Variants in KCNG2 observed in about 807,000 individuals in gnomAD.
KCNG2 encodes voltage-gated potassium channel regulatory subunit KCNG2.
In KCNG2, 7 loss-of-function variants were observed where a neutral mutation model predicts 12.3. The ratio of observed to expected loss-of-function variants is 0.57; its 90% CI spans 0.32 to 1.07. KCNG2 has a LOEUF of 1.07. Among genes scored for constraint, KCNG2 ranks in the 50% least tolerant of loss-of-function variants. KCNG2 has a pLI of 0.04. For missense variants in KCNG2, 703 were observed against 726.0 expected (o/e 0.97, Z 0.36); for synonymous variants, 414 against 351.4 (o/e 1.18, Z -1.99).
intron 1 of KCNG2, among the ~76,000 whole-genome samples, chr18:79,849,950 G>A (rs929416147): frequency 2.0e-5 from 3 of 152,196 alleles, no homozygotes; most frequent in African/African-American, 7.2e-5. Flanking sequence ...GGCTCAGTGG[G>A]AGGGAACGGA....
At chr18:79,830,464 C>T (rs1391348487) in intron 1 of KCNG2, among the ~76,000 whole-genome samples, 1 of 152,242 alleles carries the variant, frequency 6.6e-6, no homozygotes, top group African/African-American at 2.4e-5. Flanking sequence ...AACACAGATA[C>T]CTGCAAAAAC....
chr18:79,864,093 G>A lies in KCNG2; in HGVS notation c.426G>A (p.Ala142=). The A allele has an allele frequency of 5.5e-6, 6 of 1,088,834 alleles. No homozygotes were observed. The South Asian group carries it at 2.3e-4, about 41-fold the overall frequency. The allele number at this position is 1,088,834 out of a possible 1,614,324, so 67.4% of individuals were successfully genotyped here. The part of the protein sequence containing the change: ...EARAGPTERG[A]QGSPARALGP... ...GCGCGGGGCCGACGGAGCGCGGGGC[G>A]CAGGGGAGCCCGGCGCGCGCCCTGG... The change falls in exon 3 of 4, where the codon GCG becomes GCA. Residue 142 remains alanine (A), a synonymous_variant. Coordinates refer to ENST00000316249, the MANE Select transcript of KCNG2 (RefSeq NM_012283.2).
chr18:79,856,787 C>G lies in KCNG2; in HGVS notation c.-41+335C>G, dbSNP rs1366671352. ...AGCTGCTGCTTATTCCGGGCAGTTT[C>G]TGAGGCAGCACGTTCAGACGACTTC... is the stretch of plus-strand genomic sequence containing the variant. On this transcript the variant is annotated intron_variant, in intron 2 of 3. Transcript: ENST00000316249. Among the ~76,000 whole-genome samples the G allele has an allele frequency of 2.6e-5, 4 of 152,054 alleles. No individual in the cohort carries two copies. In the East Asian group the frequency reaches 5.8e-4, roughly 22 times the overall value.
intron 3 of KCNG2, among the ~76,000 whole-genome samples, chr18:79,882,383 G>A (rs1283458758): frequency 7.3e-6 from 1 of 137,852 alleles, no homozygotes. Context: ...ACAAAAGACT[G>A]TTAAGAGAAT....
chr18:79,867,076 G>C (rs1599409667), intron 3 of KCNG2, among the ~76,000 whole-genome samples: 1 of 131,176 alleles, frequency 7.6e-6, no homozygotes, highest in Non-Finnish European at 1.6e-5. Flanking sequence ...CTGAGGCCTG[G>C]GTGCTGAGAG....
At chr18:79,873,419 G>GCCCCC (rs1568266003) in intron 3 of KCNG2, among the ~76,000 whole-genome samples, 1 of 120,322 alleles carries the variant, frequency 8.3e-6, no homozygotes, top group Non-Finnish European at 1.8e-5. Context: ...GCTCCTGCCG[G>GCCCCC]CCCCCCTCCC....
chr18:79,829,629 G>A (rs1450616589), intron 1 of KCNG2, among the ~76,000 whole-genome samples: 1 of 152,044 alleles, frequency 6.6e-6, no homozygotes, highest in Non-Finnish European at 1.5e-5. Context: ...CTCTACAGCT[G>A]GTCGGACTCT....
At chr18:79,845,044 A>G (rs552978318) in intron 1 of KCNG2, among the ~76,000 whole-genome samples, 30 of 152,350 alleles carry the variant, frequency 2.0e-4, no homozygotes, top group Non-Finnish European at 4.0e-4. Context: ...TTGTGGTTAA[A>G]CAAACTCTGG....
intron 3 of KCNG2, among the ~76,000 whole-genome samples, chr18:79,865,992 T>TGA (rs1568262370): frequency 8.1e-6 from 1 of 123,206 alleles, no homozygotes; most frequent in Non-Finnish European, 1.7e-5. Flanking sequence ...GTCTGGGTGC[T>TGA]GAGGTCTGGG....
intron 3 of KCNG2, among the ~76,000 whole-genome samples, chr18:79,866,361 A>T (rs1979546163): frequency 2.1e-5 from 2 of 93,594 alleles, no homozygotes; most frequent in Admixed American, 1.1e-4. Flanking sequence ...CTGTGTGCTG[A>T]GGTCTGGGTG....
chr18:79,816,734 C>T (rs1027932322), intron 1 of KCNG2, among the ~76,000 whole-genome samples: 4 of 152,298 alleles, frequency 2.6e-5, no homozygotes, highest in Admixed American at 2.0e-4. Context: ...AGTGGCAGAT[C>T]GGGAAACATT....
chr18:79,880,652 A>G (rs993492878), intron 3 of KCNG2, among the ~76,000 whole-genome samples: 1 of 152,216 alleles, frequency 6.6e-6, no homozygotes, highest in Non-Finnish European at 1.5e-5. Flanking sequence ...CAAGAAAAGT[A>G]AAAACAAAGA....
intron 3 of KCNG2, among the ~76,000 whole-genome samples, chr18:79,865,244 G>GTGGGTGCTGAGGTC (rs1462570455): frequency 7.2e-6 from 1 of 139,810 alleles, no homozygotes; most frequent in Non-Finnish European, 1.5e-5. Context: ...TGCTGAGAGT[G>GTGGGTGCTGAGGTC]TGGGTGCTGA....
chr18:79,893,922 G>C (rs1025968706), intron 3 of KCNG2, among the ~76,000 whole-genome samples: 3 of 109,950 alleles, frequency 2.7e-5, no homozygotes, highest in African/African-American at 6.7e-5. Context: ...GATTAATATA[G>C]TTGGGTCTGT....
At chr18:79,798,357 C>A (rs1211834457) in intron 1 of KCNG2, among the ~76,000 whole-genome samples, 1 of 152,088 alleles carries the variant, frequency 6.6e-6, no homozygotes, top group Non-Finnish European at 1.5e-5. Context: ...CCGCGGATCG[C>A]CCCGTCTATT....
chr18:79,846,292 G>C (rs1464771589), intron 1 of KCNG2, among the ~76,000 whole-genome samples: 1 of 141,890 alleles, frequency 7.0e-6, no homozygotes. Context: ...AGAATGGCGT[G>C]AACTTGGGAG....
At chr18:79,832,365 CCTCACCTGCA>C (rs1202255566) in intron 1 of KCNG2, among the ~76,000 whole-genome samples, 7 of 150,190 alleles carry the variant, frequency 4.7e-5, no homozygotes, top group East Asian at 2.0e-4. Flanking sequence ...ACCTGTCCAT[CCTCACCTGCA>C]CTCACCTGCC....
At chr18:79,867,572 G>A (rs186424072) in intron 3 of KCNG2, among the ~76,000 whole-genome samples, 4 of 131,098 alleles carry the variant, frequency 3.1e-5, no homozygotes, top group Non-Finnish European at 4.9e-5. Context: ...GGGAGGGACC[G>A]TGAGCTCAGT....
intron 1 of KCNG2, among the ~76,000 whole-genome samples, chr18:79,847,218 G>A (rs949814604): frequency 1.7e-4 from 26 of 152,248 alleles, no homozygotes; most frequent in South Asian, 8.3e-4. Flanking sequence ...TCCTGGCCTC[G>A]TACAAGGTCC....
Sources: gnomAD v4.1 joint callset for allele counts (sites outside exome capture counted in the v4.1 genomes callset) on GRCh38, gnomAD v4.1.1 for gene constraint, MANE v1.5 for transcripts, NCBI Gene and HGNC (gene_info 2026-07-23, HGNC 2026-07-21) for gene names.